Variants in TBX15 observed in about 807,000 individuals in gnomAD.
TBX15 encodes T-box transcription factor TBX15.
Under a neutral mutation model 53.9 loss-of-function variants are expected in TBX15, and 18 were observed. That is an observed-to-expected ratio of 0.33 (90% confidence interval 0.23 to 0.49). TBX15 has a LOEUF of 0.49. Ranked by LOEUF, TBX15 falls within the 20% of genes least tolerant of loss-of-function variation. The pLI, the probability that TBX15 is intolerant of heterozygous loss-of-function variation, is 0.98. For missense variants in TBX15, 692 were observed against 749.5 expected, an observed-to-expected ratio of 0.92 and a Z score of 0.90; for synonymous variants, 295 against 278.0, an observed-to-expected ratio of 1.06 and a Z score of -0.61.
intron 6 of TBX15, among the ~76,000 whole-genome samples, chr1:118,901,008 C>T (rs1312120360): frequency 2.0e-5 from 3 of 152,052 alleles, no homozygotes; most frequent in African/African-American, 7.2e-5. Context: ...AAGAACAGTC[C>T]CTTCTCAGTT....
At chr1:118,907,431 T>C (rs528545791) in intron 6 of TBX15, among the ~76,000 whole-genome samples, 22 of 152,354 alleles carry the variant, frequency 1.4e-4, no homozygotes, top group African/African-American at 5.1e-4. Context: ...AGAATTATTA[T>C]ATAAAATTTT....
intron 1 of TBX15, among the ~76,000 whole-genome samples, chr1:118,972,562 C>G (rs1426883191): frequency 6.6e-6 from 1 of 152,006 alleles, no homozygotes; most frequent in African/African-American, 2.4e-5. Context: ...AGTTTGGGAC[C>G]ATCTTGTGCC....
chr1:118,940,643 A>G (rs12142077), intron 1 of TBX15, among the ~76,000 whole-genome samples: 19,510 of 151,710 alleles, frequency 0.13, 1,798 homozygotes, highest in Non-Finnish European at 0.18. Flanking sequence ...GCTGATAATA[A>G]TGTATATGAA....
chr1:118,899,566 A>G (rs962579121), intron 6 of TBX15, among the ~76,000 whole-genome samples: 1 of 152,138 alleles, frequency 6.6e-6, no homozygotes, highest in Non-Finnish European at 1.5e-5. Flanking sequence ...TTGGGTATGT[A>G]CAGAACGAAT....
intron 6 of TBX15, among the ~76,000 whole-genome samples, chr1:118,913,628 C>A (rs922009103): frequency 6.6e-6 from 1 of 152,124 alleles, no homozygotes; most frequent in African/African-American, 2.4e-5. Context: ...TTTTCTAAAG[C>A]AGGAAGCATC....
chr1:118,960,084 A>G (rs554647135), intron 1 of TBX15, among the ~76,000 whole-genome samples: 28 of 150,496 alleles, frequency 1.9e-4, no homozygotes, highest in Non-Finnish European at 2.8e-4. Flanking sequence ...AAAAAAAAAG[A>G]AGAGAAAAGG....
At position 118,884,931 on chromosome 1, in the gene TBX15, G is replaced by C; in HGVS notation, c.1610C>G (p.Ala537Gly). 3 of 1,614,192 alleles carry C rather than the reference G, an allele frequency of 1.9e-6. No homozygotes were observed. The highest frequency in any genetic ancestry group is 2.5e-6 in the Non-Finnish European group (3 of 1,180,034). ...AGAACAGAGTAAAGTGCTTTGAGAGGCGCTCAGTTTTTCCGGGCTTGCAGC... is the reference window on the plus strand; with the variant it reads ...AGAACAGAGTAAAGTGCTTTGAGAGCCGCTCAGTTTTTCCGGGCTTGCAGC... ...RLAASPEKLS[A>G]SQSTLLCSSP... The change falls in exon 8 of 8, where the codon GCC becomes GGC. Residue 537 changes from alanine to glycine, a missense_variant. Transcript: ENST00000369429.
intron 1 of TBX15, among the ~76,000 whole-genome samples, chr1:118,982,902 C>A (rs1383532983): frequency 1.3e-5 from 2 of 152,112 alleles, no homozygotes; most frequent in East Asian, 3.9e-4. Flanking sequence ...AGCTCAGAGC[C>A]CAAATATAGT....
chr1:118,885,675 G>A (rs1472117901), intron 7 of TBX15, among the ~76,000 whole-genome samples, 159 bp from the exon 8 acceptor site: 9 of 151,876 alleles, frequency 5.9e-5, no homozygotes, highest in Admixed American at 3.3e-4. Flanking sequence ...TATGCTAAGC[G>A]ATTCCACCTG....
intron 7 of TBX15, among the ~76,000 whole-genome samples, chr1:118,897,967 A>G (rs1654486052): frequency 1.3e-5 from 2 of 152,220 alleles, no homozygotes; most frequent in Admixed American, 1.3e-4. Context: ...ACAGGGACAT[A>G]AGGGCCTTGA....
intron 1 of TBX15, among the ~76,000 whole-genome samples, chr1:118,943,472 T>C (rs1244801288): frequency 1.3e-5 from 2 of 152,140 alleles, no homozygotes; most frequent in Non-Finnish European, 2.9e-5. Context: ...TGATGCTCTC[T>C]TGGTCCATAA....
chr1:118,916,546 C>T lies in TBX15; in HGVS notation c.862-2367G>A, dbSNP rs115320852. On this transcript the variant is annotated intron_variant, in intron 5 of 7. Coordinates refer to ENST00000369429, the MANE Select transcript of TBX15 (RefSeq NM_001330677.2). ...AAAACCACAATGAGATACCATCTCA[C>T]GCCAGTCAGAAATGGCGATTATTAA... Among the ~76,000 whole-genome samples the T allele has an allele frequency of 4.3e-3, 661 of 152,206 alleles. 4 individuals are homozygous for T. Among genetic ancestry groups the T allele is most frequent in the African/African-American group, 0.015 (613 of 41,514 alleles).
chr1:118,929,263 T>C (rs950045924), intron 2 of TBX15, among the ~76,000 whole-genome samples: 2 of 152,150 alleles, frequency 1.3e-5, no homozygotes, highest in African/African-American at 2.4e-5. Context: ...AGGAGGTAGA[T>C]GGTGACTAAG....
intron 2 of TBX15, among the ~76,000 whole-genome samples, chr1:118,927,661 C>T (rs1655644508): frequency 6.6e-6 from 1 of 152,200 alleles, no homozygotes; most frequent in African/African-American, 2.4e-5. Flanking sequence ...GCTTGTTAAA[C>T]TTGCCAAAGC....
chr1:118,902,274 C>A (rs2101517796), intron 6 of TBX15, among the ~76,000 whole-genome samples: 1 of 152,094 alleles, frequency 6.6e-6, no homozygotes, highest in African/African-American at 2.4e-5. Context: ...TTGGATAGAT[C>A]TAATTATTAG....
At chr1:118,893,188 G>A (rs1488239720) in intron 7 of TBX15, among the ~76,000 whole-genome samples, 7 of 150,980 alleles carry the variant, frequency 4.6e-5, no homozygotes, top group East Asian at 2.0e-4. Flanking sequence ...ACAGTGAGCC[G>A]AGATGGTACC....
At chr1:118,911,213 A>G (rs1405161615) in intron 6 of TBX15, among the ~76,000 whole-genome samples, 1 of 152,104 alleles carries the variant, frequency 6.6e-6, no homozygotes, top group Non-Finnish European at 1.5e-5. Flanking sequence ...CTTCATTTGT[A>G]AAATACGAGT....
At chr1:118,950,700 A>G (rs1215375583) in intron 1 of TBX15, among the ~76,000 whole-genome samples, 4 of 152,228 alleles carry the variant, frequency 2.6e-5, no homozygotes, top group African/African-American at 4.8e-5. Context: ...ATACCTTGTC[A>G]AGTATGGGCC....
intron 1 of TBX15, among the ~76,000 whole-genome samples, chr1:118,986,983 A>G (rs111378443): frequency 5.8e-4 from 88 of 152,190 alleles, no homozygotes; most frequent in Non-Finnish European, 1.2e-3. Context: ...AATCAATCGT[A>G]CCCACACCCT....
Sources: gnomAD v4.1 joint callset for allele counts (sites outside exome capture counted in the v4.1 genomes callset) on GRCh38, gnomAD v4.1.1 for gene constraint, MANE v1.5 for transcripts, NCBI Gene and HGNC (gene_info 2026-07-23, HGNC 2026-07-21) for gene names.